The following USP12 variants were observed in gnomAD, a reference collection of about 807,000 sequenced individuals.
The protein encoded by USP12 is ubiquitin specific peptidase 12, also known as ubiquitin carboxyl-terminal hydrolase 12.
A neutral mutation model predicts 45.5 loss-of-function variants in USP12; 19 were observed. The observed-to-expected ratio is 0.42, with a 90% CI of 0.29 to 0.61. USP12 has a LOEUF of 0.61. USP12 is among the 20% of genes least tolerant of loss of function. The pLI is 0.22. For missense variants in USP12, 242 were observed against 447.7 expected (o/e 0.54, Z 4.15); for synonymous variants, 149 against 148.8 (o/e 1.00, Z -0.01).
At position 27,089,866 on chromosome 13, in the gene USP12, T is replaced by A; in HGVS notation, c.734+17A>T. 1.9e-6 allele frequency: 3 copies of A among 1,606,114 alleles called. No individual in the cohort carries two copies. The highest frequency in any genetic ancestry group is 1.7e-6 in the Non-Finnish European group (2 of 1,177,164). On this transcript the variant is annotated intron_variant, in intron 6 of 8. Coordinates refer to ENST00000282344, the MANE Select transcript of USP12 (RefSeq NM_182488.4). ...AAAAATAAAATCACTTAAAAATCCATAAAGCTCTAAAATTACCGTTTGTGT... is the reference window on the plus strand; with the variant it reads ...AAAAATAAAATCACTTAAAAATCCAAAAAGCTCTAAAATTACCGTTTGTGT...
At chr13:27,074,197 A>G (rs1014809476) in intron 7 of USP12, among the ~76,000 whole-genome samples, 7 of 152,088 alleles carry the variant, frequency 4.6e-5, no homozygotes, top group Non-Finnish European at 8.8e-5. Context: ...TCAGGAGATT[A>G]AGACCATCCT....
chr13:27,163,069 T>C (rs1878182967), intron 1 of USP12: 1 of 152,224 alleles, frequency 6.6e-6, no homozygotes, highest in Non-Finnish European at 1.5e-5. Context: ...CATCTTGTTT[T>C]GTTGTCATTT....
At chr13:27,167,178 C>T (rs983356971) in intron 1 of USP12, among the ~76,000 whole-genome samples, 5 of 152,022 alleles carry the variant, frequency 3.3e-5, no homozygotes, top group African/African-American at 1.2e-4. Context: ...AGGGGAATCA[C>T]TTGAACCTGG....
At chr13:27,089,853 A>G in intron 6 of USP12, 30 bp downstream of exon 6, 1 of 1,595,486 alleles carries the variant, frequency 6.3e-7, no homozygotes, top group Non-Finnish European at 8.5e-7. Context: ...AAATAAAATC[A>G]CTTAAAAATC....
chr13:27,167,404 ACAAATT>A (rs1327441778), intron 1 of USP12, among the ~76,000 whole-genome samples: 1 of 152,212 alleles, frequency 6.6e-6, no homozygotes, highest in Non-Finnish European at 1.5e-5. Flanking sequence ...TGTATTTTAG[ACAAATT>A]CAAAAGATGA....
intron 1 of USP12, among the ~76,000 whole-genome samples, chr13:27,145,954 A>C (rs958385592): frequency 3.3e-5 from 5 of 152,224 alleles, no homozygotes; most frequent in Non-Finnish European, 7.3e-5. Context: ...TGTTTGCCAT[A>C]AACAAACTGA....
intron 6 of USP12, among the ~76,000 whole-genome samples, chr13:27,081,199 C>T (rs148686057): frequency 3.4e-3 from 525 of 152,282 alleles, no homozygotes; most frequent in African/African-American, 0.012. Context: ...TGTTTGACAG[C>T]ATTTTATCCA....
chr13:27,104,776 G>A (rs547284452), intron 3 of USP12, among the ~76,000 whole-genome samples: 6 of 152,228 alleles, frequency 3.9e-5, no homozygotes, highest in African/African-American at 1.4e-4. Flanking sequence ...CTAATTTAAA[G>A]GCAGGATTAC....
At chr13:27,090,251 G>C in intron 4 of USP12, 93 bp from the exon 5 acceptor site, 1 of 988,972 alleles carries the variant, frequency 1.0e-6, no homozygotes, top group Non-Finnish European at 1.5e-6. Context: ...ATTATTATCA[G>C]TAAGTAAACA....
intron 1 of USP12, among the ~76,000 whole-genome samples, chr13:27,132,656 C>T (rs1048438734): frequency 6.6e-6 from 1 of 152,138 alleles, no homozygotes; most frequent in African/African-American, 2.4e-5. Context: ...CCTAAAAGAT[C>T]GTTGGTTTCA....
chr13:27,137,986 T>TA (rs1324099558), intron 1 of USP12, among the ~76,000 whole-genome samples: 5 of 152,210 alleles, frequency 3.3e-5, no homozygotes, highest in Non-Finnish European at 5.9e-5. Flanking sequence ...AGCCTTCACT[T>TA]AGTCTTAACA....
chr13:27,164,709 TAG>T (rs1278832743), intron 1 of USP12, among the ~76,000 whole-genome samples: 1 of 152,212 alleles, frequency 6.6e-6, no homozygotes, highest in South Asian at 2.1e-4. Context: ...GGGACTCCAA[TAG>T]AGAGTTTTCA....
At chr13:27,084,152 A>G (rs1873891564) in intron 6 of USP12, among the ~76,000 whole-genome samples, 1 of 146,982 alleles carries the variant, frequency 6.8e-6, no homozygotes, top group Admixed American at 6.9e-5. Flanking sequence ...TCTGTCACTC[A>G]TAAATCCATG....
chr13:27,084,005 CA>C (rs1873886053), intron 6 of USP12, among the ~76,000 whole-genome samples: 2 of 151,794 alleles, frequency 1.3e-5, no homozygotes, highest in African/African-American at 4.8e-5. Flanking sequence ...GCTGAGATTA[CA>C]GGCGCCTGCC....
At chr13:27,097,093 G>A (rs1874615417) in intron 3 of USP12, among the ~76,000 whole-genome samples, 1 of 151,034 alleles carries the variant, frequency 6.6e-6, no homozygotes, top group Non-Finnish European at 1.5e-5. Context: ...CTTATAAATG[G>A]CAATCAATTT....
chr13:27,103,842 C>T (rs1875000855), intron 3 of USP12, among the ~76,000 whole-genome samples: 1 of 151,326 alleles, frequency 6.6e-6, no homozygotes, highest in South Asian at 2.1e-4. Context: ...GTAAAAATAC[C>T]CCAGGTTTGA....
In USP12 at chr13:27,090,098, T is replaced by C. The variant is rs1404812818; in HGVS notation, c.634A>G (p.Ile212Val). 1.9e-6 allele frequency: 3 copies of C among 1,579,030 alleles called. No individual in the cohort carries two copies. Among genetic ancestry groups the C allele is most frequent in the Non-Finnish European group, 1.7e-6 (2 of 1,155,478 alleles). The stretch of plus-strand genomic sequence containing the variant: ...TACATATACCTTAAGCAGTGAGTAA[T>C]TGATGTATTTTGTTCCACGTCAACA... ...LSVDVEQNTS[I>V]THCLRGFSNT... Residue 212 changes from isoleucine (I) to valine (V), a missense_variant, in exon 5 of 9, where the codon ATT becomes GTT. Ile to Val is a conservative substitution (Grantham distance 29). This residue lies in a region of USP12 where 12 missense variants were observed against 71.0 expected (regional missense o/e 0.17). Coordinates refer to ENST00000282344, the MANE Select transcript of USP12 (RefSeq NM_182488.4).
chr13:27,086,307 AC>A (rs1874043911), intron 6 of USP12, among the ~76,000 whole-genome samples: 4 of 126,434 alleles, frequency 3.2e-5, no homozygotes, highest in African/African-American at 1.1e-4. Context: ...ACACACACAC[AC>A]AATGCAGCAC....
At position 27,110,127 on chromosome 13, in the gene USP12, T is replaced by TA. The variant is rs1555234986; in HGVS notation, c.130-4184dup. On this transcript the variant is annotated intron_variant, in intron 2 of 8. Transcript: ENST00000282344. ...GATGACTAGGATTTCCTTTTCCAGGTAAAAAAAAAAAAAAAAAAAGGATAA... is the reference window on the plus strand; with the variant it reads ...GATGACTAGGATTTCCTTTTCCAGGTAAAAAAAAAAAAAAAAAAAAGGATAA... 7.0e-3 allele frequency among the ~76,000 whole-genome samples: 838 copies of TA among 119,610 alleles called. 4 individuals carry two copies. The highest frequency in any genetic ancestry group is 0.017 in the Middle Eastern group (4 of 234). The allele number at this position is 119,610 out of a possible 152,430, so 78.5% of individuals were successfully genotyped here.
Sources: allele counts gnomAD v4.1 joint callset (sites outside exome capture counted in the v4.1 genomes callset), GRCh38; gene constraint gnomAD v4.1.1; regional missense constraint gnomAD v4.1.1; transcripts MANE v1.5; gene names NCBI Gene and HGNC (gene_info 2026-07-23, HGNC 2026-07-21).